COL25A1: variants seen among roughly 807,000 people sequenced by gnomAD.
COL25A1 encodes the protein collagen alpha-1(XXV) chain.
In COL25A1, 103 loss-of-function variants were observed where a neutral mutation model predicts 128.4. The ratio of observed to expected loss-of-function variants is 0.80; its 90% CI spans 0.68 to 0.94. The LOEUF is 0.94. Among genes scored for constraint, COL25A1 ranks in the 40% least tolerant of loss-of-function variants. The pLI is 0.00. For missense variants in COL25A1, 745 were observed against 840.0 expected (o/e 0.89, Z 1.40); for synonymous variants, 279 against 277.2 (o/e 1.01, Z -0.06).
At chr4:109,038,070 T>A (rs1759525941) in intron 5 of COL25A1, among the ~76,000 whole-genome samples, 1 of 152,256 alleles carries the variant, frequency 6.6e-6, no homozygotes, top group African/African-American at 2.4e-5. Context: ...TCAGTAAGAA[T>A]CTGAAAAAGT....
At position 109,007,505 on chromosome 4, in the gene COL25A1, C is replaced by T. The variant is rs552019878; in HGVS notation, c.438+2853G>A. Among the ~76,000 whole-genome samples the T allele has an allele frequency of 2.0e-5, 3 of 152,164 alleles. No individual in the cohort carries two copies. In the East Asian group the frequency reaches 5.8e-4, roughly 29 times the overall value. On this transcript the variant is annotated intron_variant, in intron 6 of 37. Coordinates refer to ENST00000399132, the MANE Select transcript of COL25A1 (RefSeq NM_198721.4). The stretch of plus-strand genomic sequence containing the variant: ...CTCCTTTTTTGTGCTGTAGAAAGAT[C>T]ACGTGAGGGTATGTCTTGGCTTCAC...
chr4:108,915,235 A>T (rs556299627), intron 13 of COL25A1, among the ~76,000 whole-genome samples: 67 of 152,352 alleles, frequency 4.4e-4, no homozygotes, highest in Admixed American at 4.4e-3. Flanking sequence ...TGTAAAAGAT[A>T]ATGTGTAGGA....
At chr4:109,140,512 A>G (rs1407213783) in intron 3 of COL25A1, among the ~76,000 whole-genome samples, 2 of 152,138 alleles carry the variant, frequency 1.3e-5, no homozygotes, top group Non-Finnish European at 2.9e-5. Flanking sequence ...GAATCTATAA[A>G]TCACTTTGGG....
intron 3 of COL25A1, among the ~76,000 whole-genome samples, chr4:109,297,522 C>CA (rs956423769): frequency 1.3e-5 from 2 of 151,818 alleles, no homozygotes; most frequent in African/African-American, 4.8e-5. Flanking sequence ...ATATAAATAT[C>CA]AAAAAAGAAC....
intron 5 of COL25A1, among the ~76,000 whole-genome samples, chr4:109,011,584 C>A (rs1044471242): frequency 1.3e-5 from 2 of 152,130 alleles, no homozygotes; most frequent in African/African-American, 4.8e-5. Context: ...ATATTTATTT[C>A]TTATAACTGC....
chr4:109,236,583 T>A (rs1292797127), intron 3 of COL25A1, among the ~76,000 whole-genome samples: 1 of 152,082 alleles, frequency 6.6e-6, no homozygotes, highest in Non-Finnish European at 1.5e-5. Context: ...TGGCACAAAA[T>A]TTAGTTGACT....
Position 109,302,267 on chromosome 4 carries a change from G to A in COL25A1, c.-155C>T. 1 of 496,490 alleles carries A rather than the reference G, an allele frequency of 2.0e-6. No homozygotes were observed. Among genetic ancestry groups the A allele is most frequent in the Admixed American group, 3.8e-5 (1 of 26,298 alleles). The allele number at this position is 496,490 out of a possible 1,614,324, so 30.8% of individuals were successfully genotyped here. A position where few individuals can be genotyped will look rare whatever the true frequency, so the allele number is the denominator to read the frequency against. ...GAAAAGCACCCTCCGTCCGGGGACT[G>A]GGTGGCGGTGGGGTAAAAAGCAAGA... On this transcript the variant is annotated 5_prime_UTR_variant, in exon 1 of 38. Coordinates refer to ENST00000399132, the MANE Select transcript of COL25A1 (RefSeq NM_198721.4).
At chr4:109,079,507 C>T (rs888960520) in intron 3 of COL25A1, among the ~76,000 whole-genome samples, 3 of 152,084 alleles carry the variant, frequency 2.0e-5, no homozygotes, top group Non-Finnish European at 2.9e-5. Context: ...AATAACACAT[C>T]GCCCTTATCC....
At chr4:108,981,861 CATAAA>C (rs1376123207) in intron 6 of COL25A1, among the ~76,000 whole-genome samples, 1 of 152,086 alleles carries the variant, frequency 6.6e-6, no homozygotes, top group Non-Finnish European at 1.5e-5. Flanking sequence ...TTATCATAAA[CATAAA>C]ATAAAATTTA....
chr4:109,041,121 T>G (rs2125927394), intron 5 of COL25A1, among the ~76,000 whole-genome samples: 1 of 152,188 alleles, frequency 6.6e-6, no homozygotes, highest in East Asian at 1.9e-4. Flanking sequence ...TTGTGCCTAG[T>G]TGAGGAGGTT....
chr4:109,012,991 CA>C (rs1756797173), intron 5 of COL25A1, among the ~76,000 whole-genome samples: 1 of 152,212 alleles, frequency 6.6e-6, no homozygotes, highest in Admixed American at 6.5e-5. Context: ...GTATATGCAC[CA>C]ATCAGCACTC....
intron 6 of COL25A1, among the ~76,000 whole-genome samples, chr4:109,000,959 GAA>G (rs1347579743): frequency 2.6e-5 from 4 of 151,888 alleles, no homozygotes; most frequent in Admixed American, 6.6e-5. Flanking sequence ...AAGGCAAAAA[GAA>G]AAAGAAGATT....
intron 8 of COL25A1, among the ~76,000 whole-genome samples, chr4:108,952,995 C>A (rs1749642518): frequency 6.6e-6 from 1 of 152,008 alleles, no homozygotes; most frequent in Non-Finnish European, 1.5e-5. Context: ...ATTCCTTGGG[C>A]ATGCACCCTT....
chr4:108,891,209 GA>G (rs573429554), intron 16 of COL25A1, among the ~76,000 whole-genome samples: 239 of 152,088 alleles, frequency 1.6e-3, no homozygotes, highest in African/African-American at 5.2e-3. Flanking sequence ...CAGGAAGGGG[GA>G]AAAAAACGCT....
chr4:109,290,250 A>C (rs896136100), intron 3 of COL25A1, among the ~76,000 whole-genome samples: 3 of 152,116 alleles, frequency 2.0e-5, no homozygotes, highest in African/African-American at 7.2e-5. Context: ...TGCTATAAAA[A>C]TAAATGAACC....
chr4:109,217,778 T>C (rs987201073), intron 3 of COL25A1, among the ~76,000 whole-genome samples: 2 of 152,156 alleles, frequency 1.3e-5, no homozygotes, highest in Non-Finnish European at 2.9e-5. Flanking sequence ...CCTAATACAA[T>C]GCAAATGCTA....
intron 3 of COL25A1, among the ~76,000 whole-genome samples, chr4:109,235,713 AAAAC>A (rs546186393): frequency 7.9e-5 from 12 of 152,136 alleles, no homozygotes; most frequent in African/African-American, 1.2e-4. Context: ...GTAAAGTCAT[AAAAC>A]AAACAAACAG....
intron 5 of COL25A1, among the ~76,000 whole-genome samples, chr4:109,041,229 A>T (rs960382873): frequency 2.6e-5 from 4 of 152,092 alleles, no homozygotes; most frequent in African/African-American, 7.2e-5. Flanking sequence ...AGGTGCCTAA[A>T]GATTTGAGAA....
At chr4:109,062,443 A>C (rs1762061438) in intron 3 of COL25A1, among the ~76,000 whole-genome samples, 1 of 152,224 alleles carries the variant, frequency 6.6e-6, no homozygotes, top group Admixed American at 6.5e-5. Context: ...AATTAACTGT[A>C]GTAAATATAG....
Sources: allele counts gnomAD v4.1 joint callset (sites outside exome capture counted in the v4.1 genomes callset), GRCh38; gene constraint gnomAD v4.1.1; transcripts MANE v1.5; gene names NCBI Gene and HGNC (gene_info 2026-07-23, HGNC 2026-07-21).